The following GAS7 variants were observed in gnomAD, a reference collection of about 807,000 sequenced individuals.
GAS7 encodes growth arrest-specific protein 7.
In GAS7, 28 loss-of-function variants were observed where a neutral mutation model predicts 71.1. The ratio of observed to expected loss-of-function variants is 0.39; its 90% CI spans 0.29 to 0.54. The LOEUF is 0.54. Ranked by LOEUF, GAS7 falls within the 20% of genes least tolerant of loss-of-function variation. The pLI is 0.62. For missense variants in GAS7, 436 were observed against 627.8 expected (o/e 0.69, Z 3.27); for synonymous variants, 258 against 245.8 (o/e 1.05, Z -0.46).
chr17:10,159,676 G>C (rs2074236313), intron 1 of GAS7, among the ~76,000 whole-genome samples: 2 of 152,150 alleles, frequency 1.3e-5, no homozygotes. Flanking sequence ...TACTGACTTG[G>C]AGAGAAGGTT....
intron 2 of GAS7, among the ~76,000 whole-genome samples, chr17:10,007,555 G>A (rs950799866): frequency 2.7e-5 from 4 of 149,068 alleles, no homozygotes; most frequent in African/African-American, 7.5e-5. Flanking sequence ...GAACCCGGGA[G>A]GCAGAGGTTG....
At chr17:10,124,052 C>T (rs1431746553) in intron 1 of GAS7, among the ~76,000 whole-genome samples, 1 of 152,242 alleles carries the variant, frequency 6.6e-6, no homozygotes, top group East Asian at 1.9e-4. Context: ...CACAGTCGTG[C>T]TCTATTCTTA....
At chr17:9,963,850 T>C (rs147302703) in intron 4 of GAS7, among the ~76,000 whole-genome samples, 240 of 152,244 alleles carry the variant, frequency 1.6e-3, no homozygotes, top group Admixed American at 0.01. Context: ...GTATTATCAT[T>C]ATGTCTTCTT....
chr17:9,990,482 C>G (rs1339157145), intron 2 of GAS7, among the ~76,000 whole-genome samples: 1 of 152,088 alleles, frequency 6.6e-6, no homozygotes, highest in Non-Finnish European at 1.5e-5. Context: ...AGGGACCACC[C>G]AGGAGGGAAG....
intron 1 of GAS7, among the ~76,000 whole-genome samples, chr17:10,134,794 C>G (rs1305589183): frequency 6.6e-6 from 1 of 151,772 alleles, no homozygotes; most frequent in African/African-American, 2.4e-5. Context: ...CCTGGGCAGA[C>G]AGTAGAAGCT....
intron 1 of GAS7, among the ~76,000 whole-genome samples, chr17:10,107,038 AG>A (rs2073763555): frequency 6.6e-6 from 1 of 152,226 alleles, no homozygotes; most frequent in African/African-American, 2.4e-5. Context: ...ACAGGCGCCA[AG>A]GAAGGAGTTC....
chr17:9,930,047 CT>C (rs2068154270), intron 9 of GAS7, among the ~76,000 whole-genome samples: 1 of 152,188 alleles, frequency 6.6e-6, no homozygotes, highest in Non-Finnish European at 1.5e-5. Flanking sequence ...ACTGTCTAGT[CT>C]GATATTTTTC....
intron 2 of GAS7, among the ~76,000 whole-genome samples, chr17:10,015,179 GA>G (rs1480885863): frequency 6.6e-6 from 1 of 151,082 alleles, no homozygotes; most frequent in Admixed American, 6.6e-5. Flanking sequence ...GAAAAGAAAA[GA>G]AGCAGATTAG....
intron 1 of GAS7, among the ~76,000 whole-genome samples, chr17:10,164,258 G>A (rs892334784): frequency 1.3e-5 from 2 of 151,810 alleles, no homozygotes; most frequent in Non-Finnish European, 2.9e-5. Flanking sequence ...CCTGGCAAAC[G>A]TGGTGAAACC....
At chr17:10,095,576 T>C (rs2285325) in intron 1 of GAS7, among the ~76,000 whole-genome samples, 50,174 of 151,900 alleles carry the variant, frequency 0.33, 8,831 homozygotes, top group Non-Finnish European at 0.36. Flanking sequence ...AATCCCAGCA[T>C]TTTCGGAGGC....
intron 1 of GAS7, among the ~76,000 whole-genome samples, chr17:10,042,762 A>G (rs2072891001): frequency 7.1e-6 from 1 of 140,190 alleles, no homozygotes; most frequent in African/African-American, 3.3e-5. Context: ...CAGCAGGGAT[A>G]AAAAACAAGG....
intron 1 of GAS7, among the ~76,000 whole-genome samples, chr17:10,118,602 G>A (rs967229946): frequency 9.9e-5 from 15 of 151,350 alleles, no homozygotes; most frequent in South Asian, 4.2e-4. Context: ...TACCCTGGGG[G>A]CTGAGGCAGG....
At chr17:10,032,223 C>T (rs1002744561) in intron 1 of GAS7, among the ~76,000 whole-genome samples, 4 of 152,060 alleles carry the variant, frequency 2.6e-5, no homozygotes, top group Non-Finnish European at 4.4e-5. Context: ...AGACTCCTCC[C>T]AATAGCCGGT....
rs60766020 is a variant in GAS7 at position 10,005,138 on chromosome 17, C to CGCGCACGCATGCATGCATGTGTGT, written c.304+14615_304+14638dup. 5.2e-3 allele frequency among the ~76,000 whole-genome samples: 773 copies of CGCGCACGCATGCATGCATGTGTGT among 149,942 alleles called. 3 individuals carry two copies. Among genetic ancestry groups the CGCGCACGCATGCATGCATGTGTGT allele is most frequent in the Non-Finnish European group, 7.8e-3 (523 of 67,320 alleles). On this transcript the variant is annotated intron_variant, in intron 2 of 13. Coordinates refer to ENST00000432992, the MANE Select transcript of GAS7 (RefSeq NM_201433.2). ...GTGTGCACGCATACCAGCATGTGTG[C>CGCGCACGCATGCATGCATGTGTGT]GCGCACGCATGCATGCATGTGTGTG...
chr17:9,916,024 T>A lies in GAS7; in HGVS notation c.*1204A>T, dbSNP rs1597432511. The A allele has an allele frequency of 1.7e-5, 4 of 233,028 alleles. No homozygotes were observed. In the East Asian group the frequency reaches 2.4e-4, roughly 14 times the overall value. The allele number at this position is 233,028 out of a possible 1,614,324, so 14.4% of individuals were successfully genotyped here. On this transcript the variant is annotated 3_prime_UTR_variant, in exon 14 of 14. Transcript: ENST00000432992. ...GGGTTTGGTGCAGGGCTCTGGAATGTCCAGAAGGAGCGGGAAGCAAAGGTG... is the reference window on the plus strand; with the variant it reads ...GGGTTTGGTGCAGGGCTCTGGAATGACCAGAAGGAGCGGGAAGCAAAGGTG...
At chr17:9,938,983 A>G (rs1380536007) in intron 8 of GAS7, among the ~76,000 whole-genome samples, 1 of 152,156 alleles carries the variant, frequency 6.6e-6, no homozygotes, top group African/African-American at 2.4e-5. Context: ...GTAATATTCC[A>G]TTGTCTATCC....
At chr17:10,099,845 C>T (rs1293925099) in intron 1 of GAS7, among the ~76,000 whole-genome samples, 1 of 152,194 alleles carries the variant, frequency 6.6e-6, no homozygotes, top group Admixed American at 6.5e-5. Flanking sequence ...AATTCGTTAC[C>T]TTTCTTCCAA....
At chr17:10,131,279 G>A (rs1251470136) in intron 1 of GAS7, among the ~76,000 whole-genome samples, 3 of 152,228 alleles carry the variant, frequency 2.0e-5, no homozygotes, top group Non-Finnish European at 4.4e-5. Flanking sequence ...AGCGGGGCCT[G>A]ATAATTACAG....
At chr17:9,965,139 G>A (rs982089860) in intron 4 of GAS7, among the ~76,000 whole-genome samples, 7 of 152,112 alleles carry the variant, frequency 4.6e-5, no homozygotes, top group Middle Eastern at 3.2e-3. Context: ...ATCTAGAACC[G>A]GAAATACCAT....
Sources: allele counts gnomAD v4.1 joint callset (sites outside exome capture counted in the v4.1 genomes callset), GRCh38; gene constraint gnomAD v4.1.1; transcripts MANE v1.5; gene names NCBI Gene and HGNC (gene_info 2026-07-23, HGNC 2026-07-21).